The following NBAS variants were observed in gnomAD, a reference collection of about 807,000 sequenced individuals.
NBAS encodes NAG/BC035112 fusion.
NBAS carries 219 observed loss-of-function variants against 302.5 expected under a neutral mutation model. That is an observed-to-expected ratio of 0.72 (90% confidence interval 0.65 to 0.81). The LOEUF (loss-of-function observed/expected upper bound fraction) is 0.81, where lower values mean the gene tolerates loss of function less well. Ranked by LOEUF, NBAS falls within the 30% of genes least tolerant of loss-of-function variation. The pLI, the probability that NBAS is intolerant of heterozygous loss-of-function variation, is 0.00. For synonymous variants in NBAS, 1,118 were observed against 1,021.6 expected, an observed-to-expected ratio of 1.09 and a Z score of -1.80; for missense variants, 2,932 against 2,841.6, an observed-to-expected ratio of 1.03 and a Z score of -0.72.
At chr2:15,267,450 T>C (rs1487982136) in intron 44 of NBAS, among the ~76,000 whole-genome samples, 1 of 152,216 alleles carries the variant, frequency 6.6e-6, no homozygotes, top group Non-Finnish European at 1.5e-5. Context: ...AAACATTATA[T>C]AACACTTTTA....
At chr2:15,238,254 C>T (rs530651663) in intron 45 of NBAS, among the ~76,000 whole-genome samples, 53 of 152,216 alleles carry the variant, frequency 3.5e-4, no homozygotes, top group African/African-American at 1.2e-3. Flanking sequence ...CCCATATCAA[C>T]GGTGCCAAGT....
chr2:15,212,024 A>C (rs1453524936), intron 48 of NBAS, among the ~76,000 whole-genome samples: 1 of 152,236 alleles, frequency 6.6e-6, no homozygotes, highest in Non-Finnish European at 1.5e-5. Context: ...TAAGTTCAGC[A>C]GCACCACTTC....
chr2:14,917,795 C>A, the NBAS span, among the ~76,000 whole-genome samples: 1 of 152,082 alleles, frequency 6.6e-6, no homozygotes, highest in African/African-American at 2.4e-5. Context: ...TAAAAGTAGC[C>A]CTGAGTCCAA....
the NBAS span, among the ~76,000 whole-genome samples, chr2:14,900,098 T>C: frequency 6.8e-6 from 1 of 147,052 alleles, no homozygotes; most frequent in Non-Finnish European, 1.5e-5. Context: ...CCGAAGTCGA[T>C]TTTAAGTCAC....
At chr2:15,410,457 T>TA (rs1326146160) in intron 25 of NBAS, among the ~76,000 whole-genome samples, 1 of 151,774 alleles carries the variant, frequency 6.6e-6, no homozygotes, top group Admixed American at 6.6e-5. Context: ...AAGAAAGTGT[T>TA]AGGGCAAAAA....
At chr2:15,248,606 G>C (rs1344041438) in intron 44 of NBAS, among the ~76,000 whole-genome samples, 1 of 152,068 alleles carries the variant, frequency 6.6e-6, no homozygotes, top group Non-Finnish European at 1.5e-5. Context: ...ATATCAAATA[G>C]ATGCAATAAA....
intron 44 of NBAS, among the ~76,000 whole-genome samples, chr2:15,260,933 T>C (rs940423619): frequency 6.6e-6 from 1 of 152,224 alleles, no homozygotes; most frequent in Non-Finnish European, 1.5e-5. Flanking sequence ...ATCCACAGTC[T>C]AGTGGTCTGT....
chr2:14,872,979 G>A, the NBAS span, among the ~76,000 whole-genome samples: 1 of 152,202 alleles, frequency 6.6e-6, no homozygotes, highest in South Asian at 2.1e-4. Context: ...CAGACCCAGT[G>A]AGCAGCAGTA....
At chr2:15,501,404 A>C (rs1019254389) in intron 11 of NBAS, among the ~76,000 whole-genome samples, 1 of 152,184 alleles carries the variant, frequency 6.6e-6, no homozygotes, top group African/African-American at 2.4e-5. Context: ...TATTAATTCT[A>C]TAATTCAGGA....
intron 35 of NBAS, among the ~76,000 whole-genome samples, chr2:15,334,972 A>G (rs554558572): frequency 2.6e-5 from 4 of 152,166 alleles, no homozygotes; most frequent in African/African-American, 9.7e-5. Context: ...GTCTATTTTT[A>G]TACTTTATAT....
At position 15,215,791 on chromosome 2, in the gene NBAS, A is replaced by T. The variant is rs559426958; in HGVS notation, c.6432+2982T>A. On this transcript the variant is annotated intron_variant, in intron 48 of 51. Transcript: ENST00000281513. ...ATACACCAAGCAGCCAAGCACACAG[A>T]TGAAGAATCTTCCCCCAAATTCTAA... is the stretch of plus-strand genomic sequence containing the variant. Among the ~76,000 whole-genome samples, 7 of 152,290 alleles carry T rather than the reference A, an allele frequency of 4.6e-5. No homozygotes were observed. In the South Asian group the frequency reaches 1.2e-3, roughly 27 times the overall value.
chr2:15,375,795 G>A (rs1674706849), intron 30 of NBAS, among the ~76,000 whole-genome samples: 1 of 151,612 alleles, frequency 6.6e-6, no homozygotes. Flanking sequence ...ATGAAAGAAA[G>A]CATACCAAAT....
the NBAS span, among the ~76,000 whole-genome samples, chr2:14,975,369 G>A: frequency 4.6e-5 from 7 of 152,374 alleles, no homozygotes; most frequent in South Asian, 1.4e-3. Flanking sequence ...TCTTTGGAGA[G>A]CTTTGGTTAG....
At chr2:15,468,648 T>C in intron 16 of NBAS, 115 bp from the exon 17 acceptor site, 1 of 1,248,648 alleles carries the variant, frequency 8.0e-7, no homozygotes, top group Non-Finnish European at 1.2e-6. Context: ...ATTTAGGACC[T>C]TGGCCATAGG....
chr2:15,346,928 A>T (rs1462445842), intron 35 of NBAS, among the ~76,000 whole-genome samples: 1 of 152,146 alleles, frequency 6.6e-6, no homozygotes, highest in Non-Finnish European at 1.5e-5. Flanking sequence ...ACATGTTCTC[A>T]CTCATAAGTG....
chr2:15,017,858 G>T, the NBAS span, among the ~76,000 whole-genome samples: 1 of 152,088 alleles, frequency 6.6e-6, no homozygotes, highest in Non-Finnish European at 1.5e-5. Context: ...CCACTTTTAT[G>T]GCAGCACTAT....
the NBAS span, among the ~76,000 whole-genome samples, chr2:14,822,577 C>T: frequency 6.6e-6 from 1 of 152,146 alleles, no homozygotes; most frequent in Non-Finnish European, 1.5e-5. Flanking sequence ...TAATGCAACC[C>T]ACTATCTTAT....
chr2:15,460,561 A>C (rs902382692), intron 21 of NBAS, among the ~76,000 whole-genome samples: 4 of 152,202 alleles, frequency 2.6e-5, no homozygotes, highest in African/African-American at 9.7e-5. Context: ...TGAGCTATGC[A>C]GTGAGACAAA....
the NBAS span, among the ~76,000 whole-genome samples, chr2:14,884,041 G>C: frequency 1.3e-5 from 2 of 151,884 alleles, no homozygotes; most frequent in African/African-American, 4.8e-5. Flanking sequence ...AACATGGAAA[G>C]AGCAGAGCAT....
Sources: allele counts gnomAD v4.1 joint callset (sites outside exome capture counted in the v4.1 genomes callset), GRCh38; gene constraint gnomAD v4.1.1; transcripts MANE v1.5; gene names NCBI Gene and HGNC (gene_info 2026-07-23, HGNC 2026-07-21).